Variants in MTARC1 observed in about 807,000 individuals in gnomAD.
MTARC1 encodes mitochondrial amidoxime-reducing component 1.
Under a neutral mutation model 33.6 loss-of-function variants are expected in MTARC1, and 24 were observed. That is an observed-to-expected ratio of 0.72 (90% CI 0.52 to 1.01). The LOEUF is 1.01. Among genes scored for constraint, MTARC1 ranks in the 50% least tolerant of loss-of-function variants. The probability of loss-of-function intolerance (pLI) is 0.00; values close to 1 mark genes in which losing one functional copy is unlikely to be tolerated. For missense variants in MTARC1, 417 were observed against 445.7 expected, an observed-to-expected ratio of 0.94 and a Z score of 0.58; for synonymous variants, 187 against 189.5, an observed-to-expected ratio of 0.99 and a Z score of 0.11.
At chr1:220,789,479 G>C (rs1672357023) in intron 1 of MTARC1, among the ~76,000 whole-genome samples, 1 of 152,146 alleles carries the variant, frequency 6.6e-6, no homozygotes, top group South Asian at 2.1e-4. Flanking sequence ...AATGTTTTAA[G>C]AAAGTTTATG....
intron 1 of MTARC1, among the ~76,000 whole-genome samples, chr1:220,791,288 G>T (rs562134011): frequency 6.6e-6 from 1 of 152,036 alleles, no homozygotes; most frequent in Admixed American, 6.6e-5. Context: ...TGCTTGAGTG[G>T]TTATGAAATC....
chr1:220,801,759 C>T (rs2642446), intron 4 of MTARC1, among the ~76,000 whole-genome samples: 8 of 151,950 alleles, frequency 5.3e-5, no homozygotes, highest in Non-Finnish European at 8.8e-5. Flanking sequence ...GAAGGATTAG[C>T]GCAGGCGGGG....
Position 220,787,281 on chromosome 1 carries a change from G to A in MTARC1, c.275+62G>A, listed in dbSNP as rs536790311. ...GGCTCGGGGCAAGGGGGTGAGAAGG[G>A]AGGAGCGCAGGGGAGGTCTGCAGAG... On this transcript the variant is annotated intron_variant, in intron 1 of 6. Transcript: ENST00000366910. 297 of 1,487,974 alleles carry A rather than the reference G, an allele frequency of 2.0e-4. 2 individuals carry two copies. In the African/African-American group the frequency reaches 3.9e-3, roughly 20 times the overall value. The allele number at this position is 1,487,974 out of a possible 1,614,324, so 92.2% of individuals were successfully genotyped here. A position where few individuals can be genotyped will look rare whatever the true frequency, so the allele number is the denominator to read the frequency against.
rs556896150 is a variant in MTARC1, at chr1:220,792,277, C to T, written c.449+613C>T. Among the ~76,000 whole-genome samples, 11 of 152,300 alleles carry T rather than the reference C, an allele frequency of 7.2e-5. No individual in the cohort carries two copies. The East Asian group carries it at 2.1e-3, about 29-fold the overall frequency. ...TGTACACAAGCCCTTCCCTCAACATCAGAAGGGCTGCAATGAAGCAATTCT... is the reference window on the plus strand; with the variant it reads ...TGTACACAAGCCCTTCCCTCAACATTAGAAGGGCTGCAATGAAGCAATTCT... On this transcript the variant is annotated intron_variant, in intron 2 of 6. Transcript: ENST00000366910.
chr1:220,795,853 T>C (rs1672596459), intron 2 of MTARC1, among the ~76,000 whole-genome samples: 1 of 152,170 alleles, frequency 6.6e-6, no homozygotes, highest in South Asian at 2.1e-4. Context: ...ACCACTAAAC[T>C]GAAATTTCTC....
intron 2 of MTARC1, chr1:220,793,189 A>G (rs1672486082): frequency 6.6e-6 from 1 of 152,068 alleles, no homozygotes; most frequent in Non-Finnish European, 1.5e-5. Flanking sequence ...TTTAATTTGT[A>G]TTTTTCCCTG....
intron 6 of MTARC1, among the ~76,000 whole-genome samples, chr1:220,810,007 G>A (rs1044577452): frequency 6.6e-6 from 1 of 152,130 alleles, no homozygotes; most frequent in African/African-American, 2.4e-5. Context: ...GCACTTTAAC[G>A]GTAACAAACT....
rs1323308931 is a variant in MTARC1, at chr1:220,813,724, TA to T, written c.*307del. 6.7e-6 allele frequency: 2 copies of T among 298,208 alleles called. No individual in the cohort carries two copies. The highest frequency in any genetic ancestry group is 4.4e-5 in the Admixed American group (1 of 22,774). The allele number at this position is 298,208 out of a possible 1,614,324, so 18.5% of individuals were successfully genotyped here. ...TCTTTCTCCTGCTTCTCCGTTTATCTACCAAGAGCGCAGACTTGCATCCTGT... is the reference window on the plus strand; with the variant it reads ...TCTTTCTCCTGCTTCTCCGTTTATCTCCAAGAGCGCAGACTTGCATCCTGT... On this transcript the variant is annotated 3_prime_UTR_variant, in exon 7 of 7. Coordinates refer to ENST00000366910, the MANE Select transcript of MTARC1 (RefSeq NM_022746.4).
At chr1:220,797,304 T>C (rs1302960927) in intron 3 of MTARC1, among the ~76,000 whole-genome samples, 7 of 152,182 alleles carry the variant, frequency 4.6e-5, no homozygotes, top group Admixed American at 4.6e-4. Context: ...AATTATGCTG[T>C]AGTCCTTACT....
At chr1:220,801,995 C>T (rs1874124) in intron 4 of MTARC1, among the ~76,000 whole-genome samples, 16,723 of 152,122 alleles carry the variant, frequency 0.11, 1,111 homozygotes, top group South Asian at 0.15. Flanking sequence ...AGTCAGTGAC[C>T]GTTTCTCAGT....
At chr1:220,810,468 CT>C (rs1209064787) in intron 6 of MTARC1, among the ~76,000 whole-genome samples, 2 of 152,208 alleles carry the variant, frequency 1.3e-5, no homozygotes, top group African/African-American at 4.8e-5. Context: ...CCGAGAACCC[CT>C]TTTCCACTCC....
At chr1:220,806,384 G>A (rs1327116395) in intron 6 of MTARC1, among the ~76,000 whole-genome samples, 1 of 152,170 alleles carries the variant, frequency 6.6e-6, no homozygotes, top group African/African-American at 2.4e-5. Context: ...GGTGTATCTT[G>A]TAGAAGGGAG....
chr1:220,798,608 G>T (rs1672693585), intron 4 of MTARC1: 1 of 980,106 alleles, frequency 1.0e-6, no homozygotes, highest in Non-Finnish European at 1.2e-6. Context: ...GTAATAAATG[G>T]CCTTTGGCTA....
intron 1 of MTARC1, among the ~76,000 whole-genome samples, chr1:220,788,390 C>A (rs1672309309): frequency 6.6e-6 from 1 of 152,178 alleles, no homozygotes; most frequent in Admixed American, 6.5e-5. Context: ...GGAGCTGTAA[C>A]CTTTCTCCTA....
Position 220,805,066 on chromosome 1 carries a change from G to A in MTARC1, c.768G>A (p.Glu256=). The A allele has an allele frequency of 6.2e-7, 1 of 1,614,204 alleles. No individual in the cohort carries two copies. The highest frequency in any genetic ancestry group is 8.5e-7 in the Non-Finnish European group (1 of 1,180,044). Residue 256 remains glutamate, a synonymous_variant, in exon 5 of 7, where the codon GAG becomes GAA. Transcript: ENST00000366910. ...CDVYAEDSWD[E]LLIGDVELKR... ...TTGTCCCCTAGGATTCTTGGGATGA[G>A]CTTCTTATTGGTGACGTGGAACTGA... is the stretch of plus-strand genomic sequence containing the variant.
Position 220,796,730 on chromosome 1 carries a change from C to T in MTARC1, c.537C>T (p.Arg179=), listed in dbSNP as rs1193168188. Residue 179 remains arginine, a synonymous_variant, in exon 3 of 7, where the codon CGC becomes CGT. Coordinates refer to ENST00000366910, the MANE Select transcript of MTARC1 (RefSeq NM_022746.4). Reference sequence around the variant, plus strand: ...GCTTCCTGAAGTCACAGCCCTACCGCCTGGTGCACTTCGAGCCTCACATGC... The same window carrying T: ...GCTTCCTGAAGTCACAGCCCTACCGTCTGGTGCACTTCGAGCCTCACATGC... The part of the protein sequence containing the change: ...ITSFLKSQPY[R]LVHFEPHMRP... 1 of 1,612,978 alleles carries T rather than the reference C, an allele frequency of 6.2e-7. No homozygotes were observed. Among genetic ancestry groups the T allele is most frequent in the East Asian group, 2.2e-5 (1 of 44,782 alleles).
intron 1 of MTARC1, among the ~76,000 whole-genome samples, chr1:220,789,034 G>T (rs942404790): frequency 2.0e-5 from 3 of 146,854 alleles, no homozygotes; most frequent in Non-Finnish European, 4.5e-5. Context: ...GCCAACACTG[G>T]CTTACAGTCC....
chr1:220,810,846 A>G (rs1673111257), intron 6 of MTARC1, among the ~76,000 whole-genome samples: 1 of 152,204 alleles, frequency 6.6e-6, no homozygotes, highest in Admixed American at 6.5e-5. Flanking sequence ...GAAGTCAGCC[A>G]GGCCTGGGCT....
At position 220,787,221 on chromosome 1, in the gene MTARC1, T is replaced by A; in HGVS notation, c.275+2T>A. The A allele has an allele frequency of 6.4e-7, 1 of 1,563,688 alleles. No individual in the cohort carries two copies. Among genetic ancestry groups the A allele is most frequent in the Non-Finnish European group, 8.7e-7 (1 of 1,155,910 alleles). Reference sequence around the variant, plus strand: ...GCGCAGCGGCAACCTGCGGGACAGGTACGGCCAAGCGCCGGCGCGGGGCAG... The same window carrying A: ...GCGCAGCGGCAACCTGCGGGACAGGAACGGCCAAGCGCCGGCGCGGGGCAG... On this transcript the variant is annotated splice_donor_variant, in intron 1 of 6. Transcript: ENST00000366910. LOFTEE classifies it high-confidence loss of function.
Sources: allele counts gnomAD v4.1 joint callset (sites outside exome capture counted in the v4.1 genomes callset), GRCh38; gene constraint gnomAD v4.1.1; transcripts MANE v1.5; gene names NCBI Gene and HGNC (gene_info 2026-07-23, HGNC 2026-07-21).